JAKMIP1: variants seen among roughly 807,000 people sequenced by gnomAD.
The protein encoded by JAKMIP1 is janus kinase and microtubule-interacting protein 1.
A neutral mutation model predicts 113.0 loss-of-function variants in JAKMIP1; 33 were observed. The ratio of observed to expected loss-of-function variants is 0.29; its 90% confidence interval spans 0.22 to 0.39. The LOEUF (loss-of-function observed/expected upper bound fraction) is 0.39, where lower values mean the gene tolerates loss of function less well. Ranked by LOEUF, JAKMIP1 falls within the 10% of genes least tolerant of loss-of-function variation. JAKMIP1 has a pLI of 1.00. For synonymous variants in JAKMIP1, 480 were observed against 459.9 expected (o/e 1.04, Z -0.56); for missense variants, 813 against 1,080.5 (o/e 0.75, Z 3.47).
At chr4:6,190,445 C>T (rs1727132493) in intron 1 of JAKMIP1, among the ~76,000 whole-genome samples, 1 of 152,146 alleles carries the variant, frequency 6.6e-6, no homozygotes, top group Non-Finnish European at 1.5e-5. Context: ...ACACTCTTTC[C>T]ATAAGTGAAC....
rs1356213829 is a variant in JAKMIP1, at chr4:6,162,029, G to T, written c.-148+38224C>A. Among the ~76,000 whole-genome samples the T allele has an allele frequency of 2.6e-5, 4 of 152,288 alleles. No individual in the cohort carries two copies. Among genetic ancestry groups the T allele is most frequent in the Non-Finnish European group, 4.4e-5 (3 of 68,020 alleles). On this transcript the variant is annotated intron_variant, in intron 1 of 20. Transcript: ENST00000409021. This position sits in a 1 kb window ranked among gnomAD's most constrained non-coding sequence, Gnocchi z 5.6. ...CACGGGTACATGGTGCCTCCTTGAT[G>T]GAGCCGAGCAGGAAGGAAAGGGGTG...
intron 2 of JAKMIP1, among the ~76,000 whole-genome samples, chr4:6,111,255 G>A (rs767066824): frequency 3.9e-5 from 6 of 152,154 alleles, no homozygotes; most frequent in Non-Finnish European, 8.8e-5. Context: ...GCCTCCACCC[G>A]TCACTCCAGG....
intron 3 of JAKMIP1, among the ~76,000 whole-genome samples, chr4:6,098,334 G>A (rs1460703279): frequency 6.6e-6 from 1 of 152,094 alleles, no homozygotes; most frequent in African/African-American, 2.4e-5. Context: ...CCGGGAGGCT[G>A]AGGCAGGAGA....
At chr4:6,105,431 G>A in intron 3 of JAKMIP1, 42 bp downstream of exon 3, 1 of 1,530,360 alleles carries the variant, frequency 6.5e-7, no homozygotes, top group Non-Finnish European at 8.8e-7. Context: ...TGCAGGGAGG[G>A]AAGGCCGCGT....
At chr4:6,121,935 C>T (rs1716773804) in intron 1 of JAKMIP1, among the ~76,000 whole-genome samples, 1 of 152,220 alleles carries the variant, frequency 6.6e-6, no homozygotes, top group Non-Finnish European at 1.5e-5. Context: ...TACAATCGTA[C>T]ATACAGCATA....
intron 20 of JAKMIP1, among the ~76,000 whole-genome samples, chr4:6,027,105 G>A (rs532721236): frequency 7.2e-4 from 110 of 151,856 alleles, no homozygotes; most frequent in Non-Finnish European, 7.7e-4. Context: ...CGGTCTTAAC[G>A]GGAGGAAAAA....
chr4:6,128,527 G>A (rs770124049), intron 1 of JAKMIP1, among the ~76,000 whole-genome samples: 1 of 151,974 alleles, frequency 6.6e-6, no homozygotes, highest in Non-Finnish European at 1.5e-5. Context: ...CCCACAACAG[G>A]AGACCCAGCT....
chr4:6,070,559 C>T (rs903409929), intron 8 of JAKMIP1, among the ~76,000 whole-genome samples: 4 of 152,270 alleles, frequency 2.6e-5, no homozygotes, highest in Admixed American at 1.3e-4. Flanking sequence ...CCTCCCTGAG[C>T]CGAGAGCCTG....
rs1560337940 is a variant in JAKMIP1, at chr4:6,181,883, C to T, written c.-148+18370G>A. Among the ~76,000 whole-genome samples, 1 of 152,044 alleles carries T rather than the reference C, an allele frequency of 6.6e-6. No individual in the cohort carries two copies. Among genetic ancestry groups the T allele is most frequent in the Non-Finnish European group, 1.5e-5 (1 of 68,016 alleles). Reference sequence around the variant, plus strand: ...ACCATGGCTGTGACAGACAGATGTACAGGGAGGGACCCGCCCTGGCCTTGG... The same window carrying T: ...ACCATGGCTGTGACAGACAGATGTATAGGGAGGGACCCGCCCTGGCCTTGG... On this transcript the variant is annotated intron_variant, in intron 1 of 20. Transcript: ENST00000409021. The surrounding 1 kb of genome is among the most constrained non-coding windows in gnomAD (Gnocchi z 5.4).
chr4:6,198,918 G>C (rs571783371), intron 1 of JAKMIP1, among the ~76,000 whole-genome samples: 1 of 152,338 alleles, frequency 6.6e-6, no homozygotes, highest in Non-Finnish European at 1.5e-5. Context: ...GCCCTGCTAT[G>C]CCCAACATTC....
rs1383265053 is a variant in JAKMIP1 at position 6,094,110 on chromosome 4, G to T, written c.625-8481C>A. Among the ~76,000 whole-genome samples, 3 of 152,006 alleles carry T rather than the reference G, an allele frequency of 2.0e-5. No individual in the cohort carries two copies. Among genetic ancestry groups the T allele is most frequent in the African/African-American group, 7.3e-5 (3 of 41,372 alleles). On this transcript the variant is annotated intron_variant, in intron 3 of 20. Transcript: ENST00000409021. The surrounding 1 kb of genome is among the most constrained non-coding windows in gnomAD (Gnocchi z 4.2). ...ACTCCCCCGAGAGGCTGGCCCAGCAGGCATCTATATAGGGAACATGCATCG... is the reference window on the plus strand; with the variant it reads ...ACTCCCCCGAGAGGCTGGCCCAGCATGCATCTATATAGGGAACATGCATCG...
intron 1 of JAKMIP1, among the ~76,000 whole-genome samples, chr4:6,144,087 A>G (rs906682448): frequency 6.6e-6 from 1 of 152,210 alleles, no homozygotes; most frequent in African/African-American, 2.4e-5. Context: ...TGGACAAACC[A>G]TAGGCCTTTC....
At position 6,071,108 on chromosome 4, in the gene JAKMIP1, G is replaced by C. The variant is rs901594783; in HGVS notation, c.1303-6100C>G. ...GTATGTTTCAACTTCAACAATGCAT[G>C]ATGCTGTATTCCTTTGGAAGTTTCC... On this transcript the variant is annotated intron_variant, in intron 8 of 20. Coordinates refer to ENST00000409021, the MANE Select transcript of JAKMIP1 (RefSeq NM_001099433.2). 5.3e-5 allele frequency among the ~76,000 whole-genome samples: 8 copies of C among 152,368 alleles called. No homozygotes were observed. In the South Asian group the frequency reaches 1.7e-3, roughly 32 times the overall value.
Position 6,183,468 on chromosome 4 carries a change from G to A in JAKMIP1, c.-148+16785C>T, listed in dbSNP as rs934847294. Among the ~76,000 whole-genome samples the A allele has an allele frequency of 2.2e-4, 3 of 13,366 alleles. No homozygotes were observed. The highest frequency in any genetic ancestry group is 4.9e-4 in the African/African-American group (3 of 6,158). 8.8% of individuals were successfully genotyped at this position (13,366 alleles called of 152,430 possible). On this transcript the variant is annotated intron_variant, in intron 1 of 20. Coordinates refer to ENST00000409021, the MANE Select transcript of JAKMIP1 (RefSeq NM_001099433.2). This position sits in a 1 kb window ranked among gnomAD's most constrained non-coding sequence, Gnocchi z 5.3. Reference sequence around the variant, plus strand: ...CACTCCAGCCTGGGTGACAGAGCAAGACTCTGTCTCAATAAATAAATAAAT... The same window carrying A: ...CACTCCAGCCTGGGTGACAGAGCAAAACTCTGTCTCAATAAATAAATAAAT...
At chr4:6,165,994 G>A (rs1003199056) in intron 1 of JAKMIP1, among the ~76,000 whole-genome samples, 4 of 152,052 alleles carry the variant, frequency 2.6e-5, no homozygotes, top group South Asian at 2.1e-4. Flanking sequence ...GTTCGCGGAC[G>A]CATCACTCTG....
intron 1 of JAKMIP1, among the ~76,000 whole-genome samples, chr4:6,160,843 C>CCCCGACCTCCACTCGCCTA (rs1331123579): frequency 1.3e-4 from 19 of 151,812 alleles, no homozygotes; most frequent in African/African-American, 3.9e-4. Context: ...CCACTCACCT[C>CCCCGACCTCCACTCGCCTA]CCCTGACCAA....
chr4:6,153,589 G>T lies in JAKMIP1; in HGVS notation c.-147-40592C>A, dbSNP rs748668332. Among the ~76,000 whole-genome samples, 122 of 152,266 alleles carry T rather than the reference G, an allele frequency of 8.0e-4. No homozygotes were observed. The Middle Eastern group carries it at 0.01, about 13-fold the overall frequency. On this transcript the variant is annotated intron_variant, in intron 1 of 20. Transcript: ENST00000409021. The surrounding 1 kb of genome is among the most constrained non-coding windows in gnomAD (Gnocchi z 4.9). ...GCTGTAAGAGGGTGCACCTCAGACA[G>T]CCCTGACAATCTGGAGAGAGAACGT...
intron 16 of JAKMIP1, among the ~76,000 whole-genome samples, chr4:6,046,765 G>T (rs1234543604): frequency 1.3e-5 from 2 of 152,202 alleles, no homozygotes; most frequent in Middle Eastern, 3.2e-3. Flanking sequence ...TAAGGTGCAG[G>T]CCTGGAACAC....
In JAKMIP1 at chr4:6,188,905, A is replaced by C. The variant is rs967923898; in HGVS notation, c.-148+11348T>G. On this transcript the variant is annotated intron_variant, in intron 1 of 20. Coordinates refer to ENST00000409021, the MANE Select transcript of JAKMIP1 (RefSeq NM_001099433.2). This position sits in a 1 kb window ranked among gnomAD's most constrained non-coding sequence, Gnocchi z 5.8. ...CCAGTGGTTTAAATAGATTAGGCAC[A>C]ATGTGGGGGCATCCAGGCCCTTTTT... Among the ~76,000 whole-genome samples, 3 of 152,184 alleles carry C rather than the reference A, an allele frequency of 2.0e-5. No homozygotes were observed. The highest frequency in any genetic ancestry group is 7.2e-5 in the African/African-American group (3 of 41,448).
Sources: gnomAD v4.1 joint callset for allele counts (sites outside exome capture counted in the v4.1 genomes callset) on GRCh38, gnomAD v4.1.1 for gene constraint, Gnocchi (gnomAD v3.1) non-coding constraint, MANE v1.5 for transcripts, NCBI Gene and HGNC (gene_info 2026-07-23, HGNC 2026-07-21) for gene names.